JAK1: variants seen among roughly 807,000 people sequenced by gnomAD.
JAK1 encodes the protein tyrosine-protein kinase JAK1.
JAK1 carries 16 observed loss-of-function variants against 136.6 expected under a neutral mutation model. That is an observed-to-expected ratio of 0.12 (90% CI 0.08 to 0.18). The LOEUF (loss-of-function observed/expected upper bound fraction) is 0.18, where lower values mean the gene tolerates loss of function less well. JAK1 is among the 10% of genes least tolerant of loss of function. JAK1 has a pLI of 1.00. For synonymous variants in JAK1, 492 were observed against 519.5 expected, an observed-to-expected ratio of 0.95 and a Z score of 0.72; for missense variants, 859 against 1,450.1, an observed-to-expected ratio of 0.59 and a Z score of 6.62.
chr1:65,014,035 A>G (rs1646872428), intron 2 of JAK1, among the ~76,000 whole-genome samples: 1 of 152,198 alleles, frequency 6.6e-6, no homozygotes, highest in Non-Finnish European at 1.5e-5. Context: ...ACAAAAACCA[A>G]CAGCTTAACA....
chr1:64,971,023 G>A (rs1646447457), upstream of JAK1, among the ~76,000 whole-genome samples: 1 of 152,136 alleles, frequency 6.6e-6, no homozygotes, highest in African/African-American at 2.4e-5. Context: ...AAAAGCTATT[G>A]CTTAGATAAC....
intron 1 of JAK1, among the ~76,000 whole-genome samples, chr1:64,962,598 G>A (rs1305623210): frequency 6.6e-6 from 1 of 152,168 alleles, no homozygotes; most frequent in African/African-American, 2.4e-5. Flanking sequence ...ATTAGTTTCC[G>A]GTCCCTGAAA....
chr1:64,838,144 C>G, intron 21 of JAK1, 40 bp from the exon 22 acceptor site: 1 of 1,556,050 alleles, frequency 6.4e-7, no homozygotes, highest in Non-Finnish European at 8.8e-7. Flanking sequence ...TTGCTAAAGT[C>G]ACTTTAGATT....
At chr1:64,995,304 G>A (rs1646694774) in intron 2 of JAK1, among the ~76,000 whole-genome samples, 1 of 152,110 alleles carries the variant, frequency 6.6e-6, no homozygotes, top group South Asian at 2.1e-4. Context: ...GGCCCATCGA[G>A]AGATGAGAGT....
intron 1 of JAK1, among the ~76,000 whole-genome samples, chr1:65,053,083 C>T (rs1333006550): frequency 1.3e-5 from 2 of 148,734 alleles, no homozygotes; most frequent in Non-Finnish European, 3.0e-5. Flanking sequence ...CAGTGGCTCA[C>T]GCCTGTAATC....
intron 2 of JAK1, among the ~76,000 whole-genome samples, chr1:65,015,528 CAA>C (rs1012622758): frequency 2.8e-4 from 42 of 151,600 alleles, no homozygotes; most frequent in Admixed American, 2.4e-3. Context: ...AAAAGTGAAG[CAA>C]AGAGAAAGCA....
intron 1 of JAK1, among the ~76,000 whole-genome samples, chr1:65,049,008 A>T (rs1312909686): frequency 6.6e-6 from 1 of 152,202 alleles, no homozygotes; most frequent in Non-Finnish European, 1.5e-5. Flanking sequence ...AGGCAACGGG[A>T]TCTATTTCTA....
intron 1 of JAK1, among the ~76,000 whole-genome samples, chr1:65,060,973 T>C (rs900901496): frequency 6.6e-6 from 1 of 152,202 alleles, no homozygotes; most frequent in African/African-American, 2.4e-5. Context: ...TGTAAAATGC[T>C]TTCTTCCAGG....
intron 1 of JAK1, among the ~76,000 whole-genome samples, chr1:64,925,417 T>G (rs1034204158): frequency 1.3e-5 from 2 of 151,932 alleles, no homozygotes; most frequent in African/African-American, 4.8e-5. Context: ...ATTTTTGCTC[T>G]AAACCTAAAA....
intron 11 of JAK1, among the ~76,000 whole-genome samples, chr1:64,851,923 T>G (rs1471057421): frequency 1.3e-5 from 2 of 152,182 alleles, no homozygotes; most frequent in Admixed American, 1.3e-4. Context: ...CCAGTCCTGA[T>G]TCCTGGACTG....
Position 64,850,873 on chromosome 1 carries a change from C to G in JAK1, c.1686G>C (p.Gln562His), listed in dbSNP as rs1224731580. Reference protein sequence around the residue: ...SNLLVATKKAQEWQPVYPMSQ... With the variant: ...SNLLVATKKAHEWQPVYPMSQ... ...TCATGGGGTAGACGGGCTGCCACTC[C>G]TGGGCTTTCTTAGTAGCCACCAGCA... Residue 562 changes from glutamine to histidine, a missense_variant, in exon 12 of 25, where the codon CAG becomes CAC. By Grantham distance (24) the Gln-to-His change is conservative. This residue lies in a region of JAK1 where 409 missense variants were observed against 753.8 expected (regional missense o/e 0.54). Transcript: ENST00000342505. 6.2e-7 allele frequency: 1 copy of G among 1,613,964 alleles called. No homozygotes were observed. Among genetic ancestry groups the G allele is most frequent in the Non-Finnish European group, 8.5e-7 (1 of 1,179,978 alleles).
At chr1:64,841,372 G>C in intron 18 of JAK1, 33 bp from the exon 19 acceptor site, 1 of 1,611,132 alleles carries the variant, frequency 6.2e-7, no homozygotes, top group Admixed American at 1.7e-5. Context: ...AGAGTGAAAG[G>C]CAGTCGATTG....
chr1:64,873,548 A>C (rs1367175862), intron 4 of JAK1, 25 bp from the exon 5 acceptor site: 1 of 1,613,780 alleles, frequency 6.2e-7, no homozygotes, highest in East Asian at 2.2e-5. Context: ...AATGAATGCC[A>C]ATTGTGGCAA....
chr1:64,863,540 A>T (rs959937640), intron 8 of JAK1, among the ~76,000 whole-genome samples: 1 of 56,664 alleles, frequency 1.8e-5, no homozygotes, highest in Non-Finnish European at 3.1e-5. Flanking sequence ...TTTTTTGTTT[A>T]AAAAAAAAGG....
intron 2 of JAK1, among the ~76,000 whole-genome samples, chr1:64,998,301 G>T (rs1646721684): frequency 6.6e-6 from 1 of 152,214 alleles, no homozygotes; most frequent in Admixed American, 6.5e-5. Flanking sequence ...AAGCATTGTT[G>T]AAAGTAATTA....
chr1:64,895,922 T>A (rs757087455), intron 1 of JAK1, among the ~76,000 whole-genome samples: 4 of 152,336 alleles, frequency 2.6e-5, no homozygotes, highest in Non-Finnish European at 5.9e-5. Context: ...CTTGCAACTG[T>A]GCAAAATTTT....
intron 1 of JAK1, among the ~76,000 whole-genome samples, chr1:65,066,344 A>G (rs965255219): frequency 1.3e-5 from 2 of 152,188 alleles, no homozygotes; most frequent in East Asian, 1.9e-4. Flanking sequence ...CCTCTCCCCA[A>G]TAATGTTTCT....
intron 2 of JAK1, chr1:64,974,172 A>T (rs1646478562): frequency 6.6e-6 from 1 of 152,170 alleles, no homozygotes; most frequent in African/African-American, 2.4e-5. Context: ...TCCTAAAATC[A>T]TTGCTTGAGA....
At chr1:65,021,632 G>C (rs1372483364) in intron 2 of JAK1, among the ~76,000 whole-genome samples, 1 of 152,152 alleles carries the variant, frequency 6.6e-6, no homozygotes, top group Admixed American at 6.6e-5. Context: ...GAATCCCTGA[G>C]TTCTAAACAT....
Sources: allele counts gnomAD v4.1 joint callset (sites outside exome capture counted in the v4.1 genomes callset), GRCh38; gene constraint gnomAD v4.1.1; regional missense constraint gnomAD v4.1.1; transcripts MANE v1.5; gene names NCBI Gene and HGNC (gene_info 2026-07-23, HGNC 2026-07-21).